Variants in DACH2 observed in about 807,000 individuals in gnomAD.
DACH2 encodes dachshund family transcription factor 2.
Under a neutral mutation model 35.8 loss-of-function variants are expected in DACH2, and 17 were observed. The ratio of observed to expected loss-of-function variants is 0.48; its 90% confidence interval spans 0.33 to 0.71. DACH2 has a LOEUF of 0.71. Among genes scored for constraint, DACH2 ranks in the 30% least tolerant of loss-of-function variants. The probability of loss-of-function intolerance (pLI) is 0.02; values close to 1 mark genes in which losing one functional copy is unlikely to be tolerated. For missense variants in DACH2, 469 were observed against 472.7 expected (o/e 0.99, Z 0.07); for synonymous variants, 195 against 177.3 (o/e 1.10, Z -0.79).
chrX:86,711,779 G>T (rs1377491965), intron 5 of DACH2, among the ~76,000 whole-genome samples: 1 of 112,406 alleles, frequency 8.9e-6, no homozygotes, highest in African/African-American at 3.2e-5. Context: ...TGCAGGTCAT[G>T]ATTTCAAAGT....
chrX:86,282,839 G>A (rs2034062465), intron 1 of DACH2, among the ~76,000 whole-genome samples: 1 of 37,198 alleles, frequency 2.7e-5, no homozygotes, highest in Non-Finnish European at 3.9e-5. Context: ...GTGCAGTGGC[G>A]GGATCTCGGC....
intron 1 of DACH2, among the ~76,000 whole-genome samples, chrX:86,301,968 G>T (rs1390399521): frequency 9.0e-6 from 1 of 110,954 alleles, no homozygotes; most frequent in Admixed American, 9.6e-5. Context: ...AGGAGAATTT[G>T]CAATTACCAC....
At chrX:86,720,452 C>T (rs780304582) in intron 6 of DACH2, among the ~76,000 whole-genome samples, 4 of 111,519 alleles carry the variant, frequency 3.6e-5, no homozygotes, top group African/African-American at 9.8e-5. Context: ...AGCCACAGAC[C>T]ATATACAAGT....
At chrX:86,258,017 GTCTGCTCCTT>G (rs1330130605) in intron 1 of DACH2, among the ~76,000 whole-genome samples, 1 of 111,296 alleles carries the variant, frequency 9.0e-6, no homozygotes, top group East Asian at 2.8e-4. Context: ...ACTAATTCCA[GTCTGCTCCTT>G]TAAGAACACA....
At chrX:86,667,579 A>AGAAG (rs1339025786) in intron 4 of DACH2, among the ~76,000 whole-genome samples, 4 of 102,093 alleles carry the variant, frequency 3.9e-5, no homozygotes. Context: ...AAAGAAAGAA[A>AGAAG]GAAAGAAAGA....
At chrX:86,711,931 C>T (rs891505598) in intron 5 of DACH2, among the ~76,000 whole-genome samples, 5 of 111,923 alleles carry the variant, frequency 4.5e-5, no homozygotes, top group Non-Finnish European at 9.4e-5. Context: ...TTCTTATTAT[C>T]GCCAGATGGT....
intron 1 of DACH2, among the ~76,000 whole-genome samples, chrX:86,275,447 A>G (rs1237159953): frequency 9.0e-6 from 1 of 111,403 alleles, no homozygotes; most frequent in Non-Finnish European, 1.9e-5. Context: ...GTATATATTT[A>G]TGAGGTACAT....
intron 2 of DACH2, among the ~76,000 whole-genome samples, chrX:86,395,487 T>G (rs908109273): frequency 9.0e-6 from 1 of 111,132 alleles, no homozygotes; most frequent in African/African-American, 3.3e-5. Context: ...GCTGCACCCA[T>G]TAACTCATCA....
chrX:86,425,779 G>A (rs1181627035), intron 2 of DACH2, among the ~76,000 whole-genome samples: 1 of 110,914 alleles, frequency 9.0e-6, no homozygotes, highest in Non-Finnish European at 1.9e-5. Flanking sequence ...AGATTATTAA[G>A]TGAAATGATG....
chrX:86,782,153 G>A (rs1001179158), intron 7 of DACH2, among the ~76,000 whole-genome samples: 2 of 111,693 alleles, frequency 1.8e-5, no homozygotes, highest in East Asian at 2.8e-4. Context: ...TTTGTATAAC[G>A]AAAAGTATCA....
intron 2 of DACH2, among the ~76,000 whole-genome samples, chrX:86,441,115 T>C (rs2037153415): frequency 1.8e-5 from 2 of 111,644 alleles, no homozygotes; most frequent in Non-Finnish European, 3.8e-5. Context: ...CATGAGATAT[T>C]TTGATACAGG....
At chrX:86,727,351 T>C (rs1016930288) in intron 6 of DACH2, among the ~76,000 whole-genome samples, 4 of 111,411 alleles carry the variant, frequency 3.6e-5, no homozygotes, top group African/African-American at 1.3e-4. Flanking sequence ...ATAAAAAGGG[T>C]CCAAAAAATG....
chrX:86,179,761 T>C (rs1483734562), intron 1 of DACH2, among the ~76,000 whole-genome samples: 1 of 111,421 alleles, frequency 9.0e-6, no homozygotes, highest in Non-Finnish European at 1.9e-5. Flanking sequence ...CAGGATAATA[T>C]ACGGTAAAGC....
intron 4 of DACH2, among the ~76,000 whole-genome samples, chrX:86,656,208 G>T (rs965938192): frequency 1.8e-5 from 2 of 111,151 alleles, no homozygotes; most frequent in Non-Finnish European, 3.8e-5. Context: ...TGAGGACATG[G>T]CTTGAGGAAA....
intron 1 of DACH2, among the ~76,000 whole-genome samples, chrX:86,245,274 C>T (rs1182534967): frequency 8.9e-6 from 1 of 111,799 alleles, no homozygotes; most frequent in Non-Finnish European, 1.9e-5. Context: ...CACAGAGCCA[C>T]AACTGGTGCA....
rs987006480 is a variant in DACH2, at chrX:86,158,524, T to C, written c.488+9416T>C. 2.6e-4 allele frequency among the ~76,000 whole-genome samples: 21 copies of C among 80,453 alleles called. 1 individual carries two copies. The highest frequency in any genetic ancestry group is 6.3e-3 in the Middle Eastern group (1 of 158). The allele number at this position is 80,453 out of a possible 115,157, so 69.9% of individuals were successfully genotyped here. On this transcript the variant is annotated intron_variant, in intron 1 of 11. Transcript: ENST00000373125. ...TAGATTTGTTATGATAGCCTGTGCGTGTGTGTGTGTGTGTGTGTGTGTGTC... is the reference window on the plus strand; with the variant it reads ...TAGATTTGTTATGATAGCCTGTGCGCGTGTGTGTGTGTGTGTGTGTGTGTC...
chrX:86,713,204 G>A lies in DACH2; in HGVS notation c.932-1344G>A, dbSNP rs554145012. On this transcript the variant is annotated intron_variant, in intron 5 of 11. Transcript: ENST00000373125. ...CTTCCTTCTAGCTCCCATTAAAATT[G>A]GACTTTATTAAAATTAAAAACTACT... 4.5e-5 allele frequency among the ~76,000 whole-genome samples: 5 copies of A among 111,170 alleles called. No homozygotes were observed. In the South Asian group the frequency reaches 1.9e-3, roughly 42 times the overall value.
intron 1 of DACH2, among the ~76,000 whole-genome samples, chrX:86,336,505 G>T (rs2035313436): frequency 9.0e-6 from 1 of 111,654 alleles, no homozygotes; most frequent in South Asian, 3.8e-4. Context: ...AGATGGGCCT[G>T]ACTGTTAGAG....
intron 2 of DACH2, among the ~76,000 whole-genome samples, chrX:86,503,609 C>T (rs1031214472): frequency 4.5e-5 from 5 of 111,733 alleles, no homozygotes; most frequent in Non-Finnish European, 5.7e-5. Context: ...GATTTCATTT[C>T]GCTTCAGAAA....
Sources: gnomAD v4.1 joint callset for allele counts (sites outside exome capture counted in the v4.1 genomes callset) on GRCh38, gnomAD v4.1.1 for gene constraint, MANE v1.5 for transcripts, NCBI Gene and HGNC (gene_info 2026-07-23, HGNC 2026-07-21) for gene names.